TENM3: variants seen among roughly 807,000 people sequenced by gnomAD.
TENM3 encodes the protein teneurin-3.
A neutral mutation model predicts 255.1 loss-of-function variants in TENM3; 63 were observed. The ratio of observed to expected loss-of-function variants is 0.25; its 90% CI spans 0.20 to 0.30. The LOEUF (loss-of-function observed/expected upper bound fraction) is 0.30. TENM3 is among the 10% of genes least tolerant of loss of function. TENM3 has a pLI of 1.00. For missense variants in TENM3, 2,929 were observed against 3,461.1 expected, an observed-to-expected ratio of 0.85 and a Z score of 3.86; for synonymous variants, 1,306 against 1,322.3, an observed-to-expected ratio of 0.99 and a Z score of 0.27.
intron 3 of TENM3, among the ~76,000 whole-genome samples, chr4:182,398,088 G>A (rs1047107282): frequency 6.6e-6 from 1 of 152,056 alleles, no homozygotes; most frequent in Non-Finnish European, 1.5e-5. Context: ...TCAAATAAGG[G>A]GACTCCAGTT....
At chr4:181,991,526 G>T in the TENM3 span, among the ~76,000 whole-genome samples, 30 of 152,206 alleles carry the variant, frequency 2.0e-4, no homozygotes, top group African/African-American at 7.2e-4. Context: ...GAACCCAAAC[G>T]CAGGTTGTGA....
At chr4:181,543,686 G>T in the TENM3 span, among the ~76,000 whole-genome samples, 1 of 152,074 alleles carries the variant, frequency 6.6e-6, no homozygotes, top group Admixed American at 6.5e-5. Flanking sequence ...TATAAAACAG[G>T]CCCTGGCACC....
At chr4:181,527,567 C>T in the TENM3 span, among the ~76,000 whole-genome samples, 6 of 151,590 alleles carry the variant, frequency 4.0e-5, no homozygotes, top group Admixed American at 3.9e-4. Flanking sequence ...CGGGGTTTGG[C>T]CATGGCCAGG....
the TENM3 span, among the ~76,000 whole-genome samples, chr4:181,629,694 T>C: frequency 6.6e-6 from 1 of 152,286 alleles, no homozygotes; most frequent in African/African-American, 2.4e-5. Context: ...GCCCACTTGA[T>C]CATGGTGGAT....
chr4:182,210,154 C>T (rs1754908372), intron 1 of TENM3, among the ~76,000 whole-genome samples: 1 of 152,192 alleles, frequency 6.6e-6, no homozygotes, highest in Non-Finnish European at 1.5e-5. Context: ...ATCCCCTGCT[C>T]TCACACCCTC....
At chr4:182,759,680 G>A (rs999214681) in intron 22 of TENM3, among the ~76,000 whole-genome samples, 1 of 152,218 alleles carries the variant, frequency 6.6e-6, no homozygotes, top group African/African-American at 2.4e-5. Context: ...TACAGTTAAA[G>A]GATATTATTG....
chr4:181,549,727 C>A, the TENM3 span, among the ~76,000 whole-genome samples: 1 of 152,162 alleles, frequency 6.6e-6, no homozygotes, highest in Non-Finnish European at 1.5e-5. Flanking sequence ...TGGATCCCCA[C>A]GACCCATGCT....
the TENM3 span, among the ~76,000 whole-genome samples, chr4:181,982,682 T>C: frequency 2.0e-5 from 3 of 152,298 alleles, no homozygotes; most frequent in African/African-American, 7.2e-5. Context: ...TGGAAGCATC[T>C]GGCTGAATAT....
Position 182,432,865 on chromosome 4 carries a change from T to TGTGTGTGTGTGTGTGTGTGTGTGTGTG in TENM3, c.511+85936_511+85937insGTGTGTGTGTGTGTGTGTGTGTGTGTG, listed in dbSNP as rs1554066043. Among the ~76,000 whole-genome samples, 81 of 151,436 alleles carry TGTGTGTGTGTGTGTGTGTGTGTGTGTG rather than the reference T, an allele frequency of 5.3e-4. 2 individuals carry two copies. Among genetic ancestry groups the TGTGTGTGTGTGTGTGTGTGTGTGTGTG allele is most frequent in the Admixed American group, 6.6e-4 (10 of 15,208 alleles). The stretch of plus-strand genomic sequence containing the variant: ...ATGGATTTGGGTGTGTGTGTGTGTG[T>TGTGTGTGTGTGTGTGTGTGTGTGTGTG]TTTAGTAGAGATGGTTTCACTATGT... On this transcript the variant is annotated intron_variant, in intron 3 of 27. Transcript: ENST00000511685.
intron 22 of TENM3, among the ~76,000 whole-genome samples, chr4:182,766,123 G>C (rs564225308): frequency 2.6e-4 from 40 of 152,292 alleles, no homozygotes; most frequent in Admixed American, 4.6e-4. Context: ...TGTGGGGTCT[G>C]TGTACGGCTG....
the TENM3 span, among the ~76,000 whole-genome samples, chr4:181,663,660 T>C: frequency 6.6e-6 from 1 of 152,138 alleles, no homozygotes; most frequent in Non-Finnish European, 1.5e-5. Flanking sequence ...TCCTTCAAAA[T>C]TAAAGGAAGG....
chr4:182,092,791 A>G, the TENM3 span, among the ~76,000 whole-genome samples: 1 of 152,250 alleles, frequency 6.6e-6, no homozygotes, highest in South Asian at 2.1e-4. Flanking sequence ...TAGTCAGTAC[A>G]AAATATTAAT....
the TENM3 span, among the ~76,000 whole-genome samples, chr4:182,058,596 A>C: frequency 1.3e-5 from 2 of 152,124 alleles, no homozygotes; most frequent in Admixed American, 6.5e-5. Context: ...TAAAGAAGAG[A>C]GAACTATAGT....
intron 20 of TENM3, among the ~76,000 whole-genome samples, chr4:182,752,320 AT>A (rs1762433442): frequency 6.6e-6 from 1 of 152,130 alleles, no homozygotes. Flanking sequence ...ACTCTATATA[AT>A]TCAGGCCACA....
chr4:181,605,584 G>GGAAAGAAA, the TENM3 span, among the ~76,000 whole-genome samples: 226 of 69,148 alleles, frequency 3.3e-3, 34 homozygotes, highest in African/African-American at 0.011. Flanking sequence ...GAGAAAGAAA[G>GGAAAGAAA]GAAAGAAAGA....
intron 3 of TENM3, among the ~76,000 whole-genome samples, chr4:182,360,084 G>C (rs200153438): frequency 1 from 150,722 of 151,254 alleles, 75,096 homozygotes; most frequent in Middle Eastern, 1. Context: ...TGGTCTGAGA[G>C]ATAGTTTGTT....
chr4:181,926,598 G>A, the TENM3 span, among the ~76,000 whole-genome samples: 1 of 151,954 alleles, frequency 6.6e-6, no homozygotes, highest in South Asian at 2.1e-4. Flanking sequence ...TTTAAATCCT[G>A]GTCCTTGAAG....
chr4:181,852,507 C>T, the TENM3 span, among the ~76,000 whole-genome samples: 1 of 152,108 alleles, frequency 6.6e-6, no homozygotes, highest in Non-Finnish European at 1.5e-5. Context: ...CAAAATCTGG[C>T]CTTCTTGTTT....
chr4:181,507,141 A>T, the TENM3 span, among the ~76,000 whole-genome samples: 3 of 152,182 alleles, frequency 2.0e-5, no homozygotes, highest in East Asian at 5.8e-4. Flanking sequence ...CAGTTTTTCA[A>T]TGTATACTTG....
Sources: gnomAD v4.1 joint callset for allele counts (sites outside exome capture counted in the v4.1 genomes callset) on GRCh38, gnomAD v4.1.1 for gene constraint, MANE v1.5 for transcripts, NCBI Gene and HGNC (gene_info 2026-07-23, HGNC 2026-07-21) for gene names.